Variants in ZSWIM5 observed in about 807,000 individuals in gnomAD.
ZSWIM5 encodes zinc finger SWIM-type containing 5, also known as zinc finger SWIM domain-containing protein 5.
ZSWIM5 carries 55 observed loss-of-function variants against 119.6 expected under a neutral mutation model. That is an observed-to-expected ratio of 0.46 (90% CI 0.37 to 0.58). The LOEUF (loss-of-function observed/expected upper bound fraction) is 0.58. Among genes scored for constraint, ZSWIM5 ranks in the 20% least tolerant of loss-of-function variants. The pLI, the probability that ZSWIM5 is intolerant of heterozygous loss-of-function variation, is 0.00. For synonymous variants in ZSWIM5, 537 were observed against 606.9 expected (o/e 0.88, Z 1.69); for missense variants, 1,193 against 1,512.8 (o/e 0.79, Z 3.51).
intron 1 of ZSWIM5, among the ~76,000 whole-genome samples, chr1:45,138,894 C>CT (rs34851118): frequency 0.078 from 10,958 of 140,522 alleles, 491 homozygotes; most frequent in East Asian, 0.11. Context: ...TTTTCTTTTT[C>CT]TTTTTTTTTT....
intron 1 of ZSWIM5, among the ~76,000 whole-genome samples, chr1:45,191,819 T>C (rs966811529): frequency 6.6e-6 from 1 of 152,250 alleles, no homozygotes; most frequent in Non-Finnish European, 1.5e-5. Context: ...TTTTGTTTTA[T>C]TGGAATATTT....
chr1:45,189,329 T>A (rs1006311252), intron 1 of ZSWIM5, among the ~76,000 whole-genome samples: 7 of 151,614 alleles, frequency 4.6e-5, no homozygotes, highest in Admixed American at 4.6e-4. Context: ...AAAATAATAA[T>A]AATAATAATA....
chr1:45,121,047 T>G (rs1005426623), intron 1 of ZSWIM5, among the ~76,000 whole-genome samples: 1 of 152,086 alleles, frequency 6.6e-6, no homozygotes, highest in Non-Finnish European at 1.5e-5. Context: ...CCGCCCGGGT[T>G]CACGCCATTC....
At chr1:45,076,219 C>A (rs1645255671) in intron 2 of ZSWIM5, among the ~76,000 whole-genome samples, 1 of 152,058 alleles carries the variant, frequency 6.6e-6, no homozygotes, top group South Asian at 2.1e-4. Flanking sequence ...AGTTCTGTAC[C>A]TTCATATGAT....
Position 45,133,732 on chromosome 1 carries a change from T to G in ZSWIM5, c.596-45495A>C, listed in dbSNP as rs1457548959. The stretch of plus-strand genomic sequence containing the variant: ...TTGCCTAGGTTTTCTTCTAGGGTTT[T>G]TATGGTTTTGGGTCTAACATTTAAG... On this transcript the variant is annotated intron_variant, in intron 1 of 13. Coordinates refer to ENST00000359600, the MANE Select transcript of ZSWIM5 (RefSeq NM_020883.2). 1.1e-4 allele frequency among the ~76,000 whole-genome samples: 17 copies of G among 152,296 alleles called. No individual in the cohort carries two copies. The East Asian group carries it at 3.3e-3, about 29-fold the overall frequency.
chr1:45,151,826 G>C (rs1645798438), intron 1 of ZSWIM5, among the ~76,000 whole-genome samples: 2 of 152,188 alleles, frequency 1.3e-5, no homozygotes, highest in Admixed American at 1.3e-4. Flanking sequence ...TAATTGTTAA[G>C]TTTTGACACA....
At chr1:45,081,139 A>G (rs1243391430) in intron 2 of ZSWIM5, among the ~76,000 whole-genome samples, 1 of 152,166 alleles carries the variant, frequency 6.6e-6, no homozygotes, top group African/African-American at 2.4e-5. Context: ...TATGATTTTA[A>G]ACATCATTTT....
intron 2 of ZSWIM5, among the ~76,000 whole-genome samples, chr1:45,074,325 A>G (rs993604452): frequency 6.6e-6 from 1 of 151,860 alleles, no homozygotes; most frequent in Non-Finnish European, 1.5e-5. Flanking sequence ...CCTTCTTTAA[A>G]TGTTTGGTAG....
Position 45,019,956 on chromosome 1 carries a change from G to T in ZSWIM5, c.2695+110C>A. On this transcript the variant is annotated intron_variant, in intron 13 of 13. Transcript: ENST00000359600. The surrounding 1 kb of genome is among the most constrained non-coding windows in gnomAD (Gnocchi z 5.0). The stretch of plus-strand genomic sequence containing the variant: ...TCCTTTCTTAGGCCATCTCCTGATG[G>T]ACCTAAGATCTCATAGGAATATGAG... The T allele has an allele frequency of 1.1e-6, 1 of 940,488 alleles. No individual in the cohort carries two copies. Among genetic ancestry groups the T allele is most frequent in the South Asian group, 1.6e-5 (1 of 63,874 alleles). The allele number at this position is 940,488 out of a possible 1,614,324, so 58.3% of individuals were successfully genotyped here.
intron 1 of ZSWIM5, among the ~76,000 whole-genome samples, chr1:45,194,893 G>A (rs1310512242): frequency 6.6e-6 from 1 of 151,776 alleles, no homozygotes; most frequent in Non-Finnish European, 1.5e-5. Context: ...AAAAAAAGAG[G>A]TTAATCTAAC....
chr1:45,192,946 A>G (rs995583381), intron 1 of ZSWIM5, among the ~76,000 whole-genome samples: 5 of 152,114 alleles, frequency 3.3e-5, no homozygotes, highest in Non-Finnish European at 2.9e-5. Flanking sequence ...TCATCTGTAC[A>G]TTGTCTCTGG....
chr1:45,044,792 T>A (rs1165175022), intron 5 of ZSWIM5, among the ~76,000 whole-genome samples: 1 of 6,444 alleles, frequency 1.6e-4, no homozygotes, highest in Admixed American at 2.8e-3. Flanking sequence ...TATATATAAA[T>A]ATATATATAT....
chr1:45,149,711 G>C (rs753329062), intron 1 of ZSWIM5, among the ~76,000 whole-genome samples: 23 of 152,104 alleles, frequency 1.5e-4, no homozygotes, highest in Non-Finnish European at 2.9e-4. Flanking sequence ...AGAACACAGA[G>C]TTAAATATTT....
intron 1 of ZSWIM5, among the ~76,000 whole-genome samples, chr1:45,159,657 A>AGTGGCACTGCACTGCAGT (rs1645851466): frequency 6.6e-6 from 1 of 151,820 alleles, no homozygotes; most frequent in Non-Finnish European, 1.5e-5. Flanking sequence ...GGCACGATCT[A>AGTGGCACTGCACTGCAGT]GGCTCACTGC....
intron 1 of ZSWIM5, among the ~76,000 whole-genome samples, chr1:45,172,586 G>C (rs1447203432): frequency 6.6e-6 from 1 of 152,022 alleles, no homozygotes; most frequent in Non-Finnish European, 1.5e-5. Context: ...CCTTAGACAA[G>C]ACAATAACAT....
intron 5 of ZSWIM5, among the ~76,000 whole-genome samples, chr1:45,044,596 C>T (rs1221510407): frequency 7.7e-6 from 1 of 129,434 alleles, no homozygotes; most frequent in African/African-American, 2.9e-5. Context: ...TGGTGGCGGG[C>T]GCCTGTAGTC....
chr1:45,155,860 C>T (rs772333259), intron 1 of ZSWIM5, among the ~76,000 whole-genome samples: 6 of 152,012 alleles, frequency 3.9e-5, no homozygotes, highest in Non-Finnish European at 8.8e-5. Flanking sequence ...AAGAAGGATT[C>T]GATGAACTTT....
intron 1 of ZSWIM5, among the ~76,000 whole-genome samples, chr1:45,120,084 C>A (rs1456432067): frequency 6.6e-6 from 1 of 152,218 alleles, no homozygotes; most frequent in East Asian, 1.9e-4. Flanking sequence ...CTGCTCACAC[C>A]TGTAATCCCA....
At chr1:45,120,566 C>A (rs114509398) in intron 1 of ZSWIM5, among the ~76,000 whole-genome samples, 97 of 151,950 alleles carry the variant, frequency 6.4e-4, no homozygotes, top group Non-Finnish European at 1.3e-3. Flanking sequence ...TGGGCTCAAG[C>A]AGTCCTCCTG....
Sources: gnomAD v4.1 joint callset for allele counts (sites outside exome capture counted in the v4.1 genomes callset) on GRCh38, gnomAD v4.1.1 for gene constraint, Gnocchi (gnomAD v3.1) non-coding constraint, MANE v1.5 for transcripts, NCBI Gene and HGNC (gene_info 2026-07-23, HGNC 2026-07-21) for gene names.